FIGNL2: variants seen among roughly 807,000 people sequenced by gnomAD.
The protein encoded by FIGNL2 is fidgetin-like protein 2.
For synonymous variants in FIGNL2, 565 were observed against 484.0 expected (o/e 1.17, Z -2.20); for missense variants, 1,060 against 950.2 (o/e 1.12, Z -1.52).
chr12:51,840,641 A>G (rs1047627186), intron 1 of FIGNL2, among the ~76,000 whole-genome samples: 3 of 152,166 alleles, frequency 2.0e-5, no homozygotes, highest in Admixed American at 6.5e-5. Flanking sequence ...AGGCTGAGGC[A>G]AGAGAATTGC....
chr12:51,848,046 G>T, intron 1 of FIGNL2: 1 of 835,204 alleles, frequency 1.2e-6, no homozygotes, highest in Non-Finnish European at 1.4e-6. Context: ...CACCATGCTG[G>T]GGAATCTCCG....
At chr12:51,829,168 C>T (rs1367850616) in intron 1 of FIGNL2, among the ~76,000 whole-genome samples, 1 of 152,252 alleles carries the variant, frequency 6.6e-6, no homozygotes, top group Non-Finnish European at 1.5e-5. Context: ...CAGCCTGGAA[C>T]AAAGAGGCTG....
chr12:51,825,758 A>G (rs1262899795), intron 1 of FIGNL2: 2 of 151,618 alleles, frequency 1.3e-5, no homozygotes, highest in Non-Finnish European at 2.9e-5. Context: ...CTGGGACTAC[A>G]GGCGCCCGCT....
At chr12:51,847,696 G>T (rs1355003490) in intron 1 of FIGNL2, 2 of 985,296 alleles carry the variant, frequency 2.0e-6, no homozygotes, top group Non-Finnish European at 2.4e-6. Context: ...GCGGGGCTGG[G>T]GAAGGGCACC....
intron 1 of FIGNL2, among the ~76,000 whole-genome samples, chr12:51,837,694 C>T (rs1939601491): frequency 6.6e-6 from 1 of 152,212 alleles, no homozygotes; most frequent in South Asian, 2.1e-4. Flanking sequence ...ACCTTCCTTC[C>T]ACTGTCTTGT....
chr12:51,844,792 C>CCCAGA, intron 1 of FIGNL2: 10 of 985,434 alleles, frequency 1.0e-5, no homozygotes, highest in Non-Finnish European at 1.2e-5. Context: ...AGATGACCAG[C>CCCAGA]CCAGACCCTG....
chr12:51,847,422 C>G (rs1592198196), intron 1 of FIGNL2: 1 of 985,470 alleles, frequency 1.0e-6, no homozygotes, highest in East Asian at 1.1e-4. Context: ...GAGACCGCTC[C>G]GCCGCCACAG....
chr12:51,830,855 C>G (rs900739955), intron 1 of FIGNL2, among the ~76,000 whole-genome samples: 9 of 152,108 alleles, frequency 5.9e-5, no homozygotes, highest in African/African-American at 1.9e-4. Flanking sequence ...GTGGCGAGAT[C>G]ACCACAGCCT....
chr12:51,821,285 G>A lies in FIGNL2; in HGVS notation c.1129C>T (p.Leu377=), dbSNP rs556279694. The A allele has an allele frequency of 2.6e-6, 4 of 1,524,064 alleles. No individual in the cohort carries two copies. In the African/African-American group the frequency reaches 4.2e-5, roughly 16 times the overall value. 94.4% of individuals were successfully genotyped at this position (1,524,064 alleles called of 1,614,324 possible). Residue 377 remains leucine, a synonymous_variant, in exon 2 of 2, where the codon CTG becomes TTG. Coordinates refer to ENST00000618634, the MANE Select transcript of FIGNL2 (RefSeq NM_001384995.1). ...CAGTCCACCATCTTGCTCGTCACCA[G>A]CTCCAGGGCCCCAGGGTCCACGCCT... The part of the protein sequence containing the change: ...PKGVDPGALE[L]VTSKMVDCGP...
intron 1 of FIGNL2, chr12:51,847,766 G>T: frequency 1.0e-6 from 1 of 985,202 alleles, no homozygotes; most frequent in South Asian, 4.7e-5. Flanking sequence ...CTGCAGCGGC[G>T]GGGGGGTTGC....
At chr12:51,843,544 C>CAAA (rs5798189) in intron 1 of FIGNL2, among the ~76,000 whole-genome samples, 6 of 125,076 alleles carry the variant, frequency 4.8e-5, no homozygotes, top group African/African-American at 1.2e-4. Flanking sequence ...GAGACAATCT[C>CAAA]AAAAAAAAAA....
chr12:51,838,246 C>G (rs1268939671), intron 1 of FIGNL2, among the ~76,000 whole-genome samples: 1 of 152,236 alleles, frequency 6.6e-6, no homozygotes, highest in Non-Finnish European at 1.5e-5. Context: ...CCAGAGGCCA[C>G]TGCACACTGG....
At chr12:51,840,461 C>T (rs895819731) in intron 1 of FIGNL2, among the ~76,000 whole-genome samples, 4 of 152,228 alleles carry the variant, frequency 2.6e-5, no homozygotes, top group African/African-American at 9.6e-5. Context: ...ATTGGCCAGG[C>T]ACGGTGGTTC....
At chr12:51,840,035 A>C (rs1939634914) in intron 1 of FIGNL2, among the ~76,000 whole-genome samples, 1 of 152,218 alleles carries the variant, frequency 6.6e-6, no homozygotes, top group Non-Finnish European at 1.5e-5. Flanking sequence ...AGGAACAGGG[A>C]TTTGCAGTTG....
At chr12:51,827,013 G>T (rs145927586) in intron 1 of FIGNL2, among the ~76,000 whole-genome samples, 1 of 152,360 alleles carries the variant, frequency 6.6e-6, no homozygotes, top group African/African-American at 2.4e-5. Flanking sequence ...CTTCCTGACA[G>T]ACCCAGGCCT....
At chr12:51,833,913 A>G (rs988973686) in intron 1 of FIGNL2, among the ~76,000 whole-genome samples, 4 of 152,252 alleles carry the variant, frequency 2.6e-5, no homozygotes, top group Non-Finnish European at 4.4e-5. Context: ...CCCGGCACAG[A>G]TTAAGTTCTC....
Position 51,821,630 on chromosome 12 carries a change from C to T in FIGNL2, c.784G>A (p.Gly262Arg), listed in dbSNP as rs1254863487. The T allele has an allele frequency of 6.7e-6, 10 of 1,486,264 alleles. No homozygotes were observed. Among genetic ancestry groups the T allele is most frequent in the Admixed American group, 6.5e-5 (3 of 45,806 alleles). 92.1% of individuals were successfully genotyped at this position (1,486,264 alleles called of 1,614,324 possible). ...FPTAAPGAES[G>R]LSLKRKAADE... is the part of the protein sequence containing the mutation. ...GCGGCCTTGCGCTTCAGCGACAGCC[C>T]GGATTCGGCACCCGGCGCGGCCGTG... The change falls in exon 2 of 2, where the codon GGG becomes AGG. Residue 262 changes from glycine to arginine, a missense_variant. Physicochemically the swap from Gly to Arg is moderately radical, Grantham distance 125. Coordinates refer to ENST00000618634, the MANE Select transcript of FIGNL2 (RefSeq NM_001384995.1).
chr12:51,829,656 A>C (rs980611147), intron 1 of FIGNL2, among the ~76,000 whole-genome samples: 1 of 152,138 alleles, frequency 6.6e-6, no homozygotes, highest in Non-Finnish European at 1.5e-5. Flanking sequence ...TGTGCCAGCT[A>C]TGACTCCCGG....
Position 51,819,148 on chromosome 12 carries a change from C to A in FIGNL2, c.*1304G>T, listed in dbSNP as rs1486903731. On this transcript the variant is annotated 3_prime_UTR_variant, in exon 2 of 2. Coordinates refer to ENST00000618634, the MANE Select transcript of FIGNL2 (RefSeq NM_001384995.1). Reference sequence around the variant, plus strand: ...AAGTCACTGGGGACCTCTGCCAAGGCAGGGCCAGGGGACATGACCTTTCTG... The same window carrying A: ...AAGTCACTGGGGACCTCTGCCAAGGAAGGGCCAGGGGACATGACCTTTCTG... The A allele has an allele frequency of 6.6e-6, 1 of 152,400 alleles. No individual in the cohort carries two copies. Among genetic ancestry groups the A allele is most frequent in the South Asian group, 2.1e-4 (1 of 4,822 alleles). 9.4% of individuals were successfully genotyped at this position (152,400 alleles called of 1,614,324 possible).
Sources: gnomAD v4.1 joint callset for allele counts (sites outside exome capture counted in the v4.1 genomes callset) on GRCh38, gnomAD v4.1.1 for gene constraint, MANE v1.5 for transcripts, NCBI Gene and HGNC (gene_info 2026-07-23, HGNC 2026-07-21) for gene names.